Variants in KLHL2 observed in about 807,000 individuals in gnomAD.
The protein encoded by KLHL2 is kelch like family member 2, also known as kelch-like protein 2.
In KLHL2, 15 loss-of-function variants were observed where a neutral mutation model predicts 75.8. The ratio of observed to expected loss-of-function variants is 0.20; its 90% confidence interval spans 0.13 to 0.30. The LOEUF is 0.30. Among genes scored for constraint, KLHL2 ranks in the 10% least tolerant of loss-of-function variants. KLHL2 has a pLI of 1.00. For missense variants in KLHL2, 381 were observed against 741.0 expected, an observed-to-expected ratio of 0.51 and a Z score of 5.64; for synonymous variants, 214 against 251.9, an observed-to-expected ratio of 0.85 and a Z score of 1.42.
intron 5 of KLHL2, among the ~76,000 whole-genome samples, chr4:165,291,817 G>A (rs1011833575): frequency 5.3e-5 from 8 of 151,770 alleles, no homozygotes; most frequent in African/African-American, 7.3e-5. Context: ...ACATCCTCCC[G>A]TATACTTTAT....
intron 4 of KLHL2, among the ~76,000 whole-genome samples, chr4:165,259,013 T>C (rs1741431213): frequency 1.3e-5 from 2 of 152,210 alleles, no homozygotes; most frequent in African/African-American, 4.8e-5. Flanking sequence ...CTTAAATAAG[T>C]TTACTTGAGA....
chr4:165,224,970 A>T (rs1332213789), intron 2 of KLHL2, among the ~76,000 whole-genome samples: 1 of 152,238 alleles, frequency 6.6e-6, no homozygotes, highest in Non-Finnish European at 1.5e-5. Context: ...TTTTAAAAGC[A>T]GTGACAGGTT....
chr4:165,268,207 T>C (rs1448574775), intron 5 of KLHL2, among the ~76,000 whole-genome samples: 1 of 152,212 alleles, frequency 6.6e-6, no homozygotes, highest in Non-Finnish European at 1.5e-5. Flanking sequence ...CTCTCTTTTC[T>C]TCTTTATTAG....
At chr4:165,269,596 A>G (rs1323296867) in intron 5 of KLHL2, among the ~76,000 whole-genome samples, 1 of 149,970 alleles carries the variant, frequency 6.7e-6, no homozygotes, top group Non-Finnish European at 1.5e-5. Flanking sequence ...TGGATATGAA[A>G]TTCTGGGTTG....
intron 5 of KLHL2, among the ~76,000 whole-genome samples, chr4:165,264,335 T>C (rs1741967108): frequency 6.6e-6 from 1 of 151,788 alleles, no homozygotes. Context: ...GTAGACATTG[T>C]ACTCTAATCG....
At chr4:165,292,950 G>C (rs1053178128) in intron 5 of KLHL2, among the ~76,000 whole-genome samples, 3 of 152,092 alleles carry the variant, frequency 2.0e-5, no homozygotes. Context: ...ACAGTTCTAG[G>C]TGCTTTATAA....
intron 6 of KLHL2, among the ~76,000 whole-genome samples, chr4:165,295,704 G>A (rs1744857501): frequency 6.6e-6 from 1 of 152,180 alleles, no homozygotes; most frequent in Admixed American, 6.5e-5. Context: ...ATAGGGATGG[G>A]TGGGAATGCA....
intron 14 of KLHL2, among the ~76,000 whole-genome samples, chr4:165,320,966 G>A (rs1013591575): frequency 6.6e-6 from 1 of 152,224 alleles, no homozygotes; most frequent in African/African-American, 2.4e-5. Flanking sequence ...TGAAGAAGAT[G>A]TAGAAGCAAT....
At chr4:165,286,893 G>A (rs142691645) in intron 5 of KLHL2, among the ~76,000 whole-genome samples, 2,757 of 152,134 alleles carry the variant, frequency 0.018, 76 homozygotes, top group African/African-American at 0.06. Context: ...TTCTCACTGG[G>A]GAAGGAAAGT....
Position 165,222,196 on chromosome 4 carries a change from C to T in KLHL2, c.152+2137C>T, listed in dbSNP as rs989783379. 1.1e-4 allele frequency among the ~76,000 whole-genome samples: 16 copies of T among 152,118 alleles called. 1 individual carries two copies. The highest frequency in any genetic ancestry group is 4.2e-4 in the South Asian group (2 of 4,810). On this transcript the variant is annotated intron_variant, in intron 2 of 14. Transcript: ENST00000226725. ...TGAGTTTTGGGACAGACTCTGGTCT[C>T]GAGCCAATTATTTTACTTGTTTGAG...
At chr4:165,278,842 C>T (rs1743395765) in intron 5 of KLHL2, 1 of 1,535,394 alleles carries the variant, frequency 6.5e-7, no homozygotes, top group African/African-American at 1.4e-5. Flanking sequence ...TCTGGAAGCA[C>T]ATTTGTCCCA....
At chr4:165,214,011 T>G (rs1053991599) in intron 1 of KLHL2, among the ~76,000 whole-genome samples, 21 of 152,274 alleles carry the variant, frequency 1.4e-4, no homozygotes, top group African/African-American at 4.6e-4. Context: ...GTGAAATAAA[T>G]TTTATAAGTA....
chr4:165,278,082 C>T (rs1270783547), intron 5 of KLHL2: 3 of 1,551,860 alleles, frequency 1.9e-6, no homozygotes, highest in Non-Finnish European at 2.7e-6. Context: ...CTAGGGTCAC[C>T]ACCTTCTGGA....
chr4:165,289,772 T>C (rs1744366219), intron 5 of KLHL2, among the ~76,000 whole-genome samples: 1 of 152,208 alleles, frequency 6.6e-6, no homozygotes. Context: ...AGTCCATTTT[T>C]TTCTGGTCAG....
At chr4:165,259,701 T>C (rs986491386) in intron 4 of KLHL2, among the ~76,000 whole-genome samples, 12 of 152,344 alleles carry the variant, frequency 7.9e-5, no homozygotes, top group Middle Eastern at 6.8e-3. Context: ...TTGTCTTTAT[T>C]ATTCTTCATG....
chr4:165,286,918 G>C (rs1363851076), intron 5 of KLHL2, among the ~76,000 whole-genome samples: 1 of 152,144 alleles, frequency 6.6e-6, no homozygotes, highest in Non-Finnish European at 1.5e-5. Context: ...GGATCTAGTT[G>C]CTTGCTTTGT....
Position 165,260,080 on chromosome 4 carries a change from C to T in KLHL2, c.382-3117C>T, listed in dbSNP as rs190910169. On this transcript the variant is annotated intron_variant, in intron 4 of 14. Transcript: ENST00000226725. ...AGTTGATGTGGCCCCAGCTGTTTTC[C>T]TGTTTTCATTATCAGTGACTGATGG... Among the ~76,000 whole-genome samples, 7 of 152,244 alleles carry T rather than the reference C, an allele frequency of 4.6e-5. No individual in the cohort carries two copies. The East Asian group carries it at 1.2e-3, about 25-fold the overall frequency.
intron 5 of KLHL2, among the ~76,000 whole-genome samples, chr4:165,280,144 G>A (rs552382588): frequency 2.0e-5 from 3 of 152,102 alleles, no homozygotes; most frequent in African/African-American, 7.2e-5. Flanking sequence ...ACTCTTGGCC[G>A]TTCAGCCTAG....
At chr4:165,239,094 G>T (rs1457991562) in intron 4 of KLHL2, among the ~76,000 whole-genome samples, 195 bp downstream of exon 4, 1 of 151,976 alleles carries the variant, frequency 6.6e-6, no homozygotes, top group African/African-American at 2.4e-5. Flanking sequence ...TATTCCTTAA[G>T]ATCTGAGATA....
Sources: allele counts gnomAD v4.1 joint callset (sites outside exome capture counted in the v4.1 genomes callset), GRCh38; gene constraint gnomAD v4.1.1; transcripts MANE v1.5; gene names NCBI Gene and HGNC (gene_info 2026-07-23, HGNC 2026-07-21).